The following RBPJ variants were observed in gnomAD, a reference collection of about 807,000 sequenced individuals.
RBPJ encodes recombining binding protein suppressor of hairless.
A neutral mutation model predicts 67.8 loss-of-function variants in RBPJ; 9 were observed. The observed-to-expected ratio is 0.13, with a 90% CI of 0.08 to 0.23. RBPJ has a LOEUF of 0.23. RBPJ is among the 10% of genes least tolerant of loss of function. The pLI, the probability that RBPJ is intolerant of heterozygous loss-of-function variation, is 1.00. For synonymous variants in RBPJ, 198 were observed against 203.3 expected (o/e 0.97, Z 0.22); for missense variants, 305 against 595.6 (o/e 0.51, Z 5.08).
intron 1 of RBPJ, among the ~76,000 whole-genome samples, chr4:26,210,736 C>CTTTCCTTCT (rs1560212145): frequency 1.6e-5 from 1 of 64,076 alleles, no homozygotes; most frequent in Non-Finnish European, 3.0e-5. Flanking sequence ...TCCTTCTTTA[C>CTTTCCTTCT]TTCTTTCCTT....
intron 1 of RBPJ, among the ~76,000 whole-genome samples, chr4:26,201,780 A>G (rs1210730153): frequency 1.3e-5 from 2 of 152,222 alleles, no homozygotes; most frequent in Admixed American, 1.3e-4. Flanking sequence ...AAAAGAGCCA[A>G]GAGTTGCCAA....
At chr4:26,153,608 G>T in the RBPJ span, among the ~76,000 whole-genome samples, 1 of 152,146 alleles carries the variant, frequency 6.6e-6, no homozygotes, top group Non-Finnish European at 1.5e-5. Flanking sequence ...TAGTAACAGT[G>T]GTTTTTGTCT....
chr4:26,301,981 T>C (rs1490426260), intron 1 of RBPJ, among the ~76,000 whole-genome samples: 9 of 152,004 alleles, frequency 5.9e-5, no homozygotes. Flanking sequence ...TTAGTAGAGA[T>C]GGGGTTTCGC....
chr4:26,213,205 C>T (rs531868503), intron 1 of RBPJ, among the ~76,000 whole-genome samples: 39 of 152,142 alleles, frequency 2.6e-4, no homozygotes, highest in Non-Finnish European at 5.4e-4. Flanking sequence ...CCTGAAATGA[C>T]AGGACACCTC....
In RBPJ at chr4:26,230,944, G is replaced by A. The variant is rs114721499; in HGVS notation, c.-167+67330G>A. 5.6e-3 allele frequency among the ~76,000 whole-genome samples: 848 copies of A among 152,134 alleles called. 6 individuals are homozygous for A. The highest frequency in any genetic ancestry group is 0.019 in the African/African-American group (788 of 41,526). On this transcript the variant is annotated intron_variant, in intron 1 of 4. Transcript: ENST00000512351. ...TCCAATTGACTGTCATTTTTAGCAC[G>A]TCACCCAGAGATAATGGCAAGAATA...
At chr4:26,105,994 G>A in the RBPJ span, among the ~76,000 whole-genome samples, 6 of 152,160 alleles carry the variant, frequency 3.9e-5, no homozygotes, top group African/African-American at 1.2e-4. Context: ...AGTTGGAAGA[G>A]GCTATGATGC....
chr4:26,357,856 C>T (rs1727568999), intron 1 of RBPJ, among the ~76,000 whole-genome samples: 1 of 152,090 alleles, frequency 6.6e-6, no homozygotes, highest in Non-Finnish European at 1.5e-5. Context: ...ACTTCACTTA[C>T]CATAATGTCT....
chr4:26,229,984 T>C (rs912139087), intron 1 of RBPJ, among the ~76,000 whole-genome samples: 2 of 151,732 alleles, frequency 1.3e-5, no homozygotes, highest in African/African-American at 4.8e-5. Flanking sequence ...AGCCCAGGGG[T>C]TGGAGACCAG....
chr4:26,316,472 TTC>T (rs1165015153), upstream of RBPJ, among the ~76,000 whole-genome samples: 1 of 142,268 alleles, frequency 7.0e-6, no homozygotes, highest in African/African-American at 2.6e-5. Context: ...CATATATACA[TTC>T]ATATATACAT....
chr4:26,199,636 C>T (rs901634151), intron 1 of RBPJ, among the ~76,000 whole-genome samples: 3 of 152,080 alleles, frequency 2.0e-5, no homozygotes, highest in Admixed American at 6.6e-5. Context: ...AGATCTGAAG[C>T]GGAAATTTTA....
intron 1 of RBPJ, among the ~76,000 whole-genome samples, chr4:26,345,758 C>G (rs1037623357): frequency 6.6e-6 from 1 of 152,186 alleles, no homozygotes; most frequent in Non-Finnish European, 1.5e-5. Context: ...ACTCTGTCAT[C>G]TACGTGCTAT....
At chr4:26,391,781 A>G (rs1489759548) in intron 2 of RBPJ, among the ~76,000 whole-genome samples, 1 of 152,260 alleles carries the variant, frequency 6.6e-6, no homozygotes, top group Middle Eastern at 3.2e-3. Context: ...ACAAATACCC[A>G]TTAAGGAAGT....
At chr4:26,328,000 C>T (rs1194334368) in intron 1 of RBPJ, among the ~76,000 whole-genome samples, 1 of 152,076 alleles carries the variant, frequency 6.6e-6, no homozygotes, top group African/African-American at 2.4e-5. Flanking sequence ...TCCTCCAGTA[C>T]AAACTAGCTT....
chr4:26,249,920 G>A (rs1720050064), intron 1 of RBPJ, among the ~76,000 whole-genome samples: 1 of 151,140 alleles, frequency 6.6e-6, no homozygotes, highest in African/African-American at 2.4e-5. Context: ...CGAGTAGCTG[G>A]GATTACAGGC....
chr4:26,114,210 G>A, the RBPJ span, among the ~76,000 whole-genome samples: 18,094 of 151,966 alleles, frequency 0.12, 1,168 homozygotes, highest in Middle Eastern at 0.19. Flanking sequence ...TGTAATCCCA[G>A]CACTTTGGGA....
At chr4:26,334,077 G>A (rs982635634) in intron 1 of RBPJ, among the ~76,000 whole-genome samples, 5 of 149,342 alleles carry the variant, frequency 3.3e-5, no homozygotes, top group Non-Finnish European at 7.4e-5. Context: ...GTCTCGCTCC[G>A]TCGCCCAGGC....
At chr4:26,128,473 A>G in the RBPJ span, among the ~76,000 whole-genome samples, 1 of 152,120 alleles carries the variant, frequency 6.6e-6, no homozygotes, top group Non-Finnish European at 1.5e-5. Context: ...CATCACAAAA[A>G]CCCTGCAAGA....
chr4:26,137,427 A>T, the RBPJ span, among the ~76,000 whole-genome samples: 2 of 152,106 alleles, frequency 1.3e-5, no homozygotes, highest in Admixed American at 1.3e-4. Flanking sequence ...AAACAAATCC[A>T]TCATCAGGGA....
chr4:26,267,957 A>G (rs1355290533), intron 1 of RBPJ, among the ~76,000 whole-genome samples: 1 of 152,232 alleles, frequency 6.6e-6, no homozygotes, highest in African/African-American at 2.4e-5. Context: ...CATAAAAAAA[A>G]AGATATTCCA....
Sources: allele counts gnomAD v4.1 joint callset (sites outside exome capture counted in the v4.1 genomes callset), GRCh38; gene constraint gnomAD v4.1.1; transcripts MANE v1.5; gene names NCBI Gene and HGNC (gene_info 2026-07-23, HGNC 2026-07-21).